The following NELL1 variants were observed in gnomAD, a reference collection of about 807,000 sequenced individuals.
NELL1 encodes the protein protein kinase C-binding protein NELL1.
In NELL1, 76 loss-of-function variants were observed where a neutral mutation model predicts 107.4. The observed-to-expected ratio is 0.71, with a 90% CI of 0.59 to 0.86. The LOEUF (loss-of-function observed/expected upper bound fraction) is 0.86, where lower values mean the gene tolerates loss of function less well. NELL1 is among the 40% of genes least tolerant of loss of function. The pLI is 0.00. For missense variants in NELL1, 1,024 were observed against 1,005.5 expected (o/e 1.02, Z -0.25); for synonymous variants, 353 against 341.2 (o/e 1.03, Z -0.38).
chr11:21,542,869 A>ATGAT (rs1378085837), intron 16 of NELL1, among the ~76,000 whole-genome samples: 1 of 152,112 alleles, frequency 6.6e-6, no homozygotes, highest in Non-Finnish European at 1.5e-5. Flanking sequence ...ATATTAACCA[A>ATGAT]TGATAGTTAT....
intron 11 of NELL1, among the ~76,000 whole-genome samples, chr11:20,948,331 G>T (rs1851005660): frequency 1.3e-5 from 2 of 152,010 alleles, no homozygotes; most frequent in South Asian, 4.1e-4. Context: ...GGGAGTACAG[G>T]CATGAGCCAC....
chr11:20,884,812 A>G lies in NELL1; in HGVS notation c.507-632A>G, dbSNP rs56377279. On this transcript the variant is annotated intron_variant, in intron 4 of 19. Transcript: ENST00000357134. Reference sequence around the variant, plus strand: ...CCTTGTGTGTCTGGTTTCTTGCTCTATTTTCTGTTGCTTAGTGTGGAGCTT... The same window carrying G: ...CCTTGTGTGTCTGGTTTCTTGCTCTGTTTTCTGTTGCTTAGTGTGGAGCTT... 9.3e-3 allele frequency among the ~76,000 whole-genome samples: 1,413 copies of G among 152,070 alleles called. 16 individuals carry two copies. Among genetic ancestry groups the G allele is most frequent in the African/African-American group, 0.033 (1,361 of 41,462 alleles).
chr11:21,120,104 T>C (rs1463758123), intron 13 of NELL1, among the ~76,000 whole-genome samples: 1 of 152,112 alleles, frequency 6.6e-6, no homozygotes, highest in East Asian at 1.9e-4. Flanking sequence ...GATATTGGCA[T>C]GGAAGAAACC....
At chr11:20,723,734 G>C (rs562402253) in intron 2 of NELL1, among the ~76,000 whole-genome samples, 10 of 148,646 alleles carry the variant, frequency 6.7e-5, no homozygotes, top group Non-Finnish European at 1.2e-4. Context: ...GGACTCTGTG[G>C]GGGGGGGCTC....
intron 7 of NELL1, among the ~76,000 whole-genome samples, chr11:20,925,602 A>G (rs1850479200): frequency 6.6e-6 from 1 of 152,076 alleles, no homozygotes; most frequent in Admixed American, 6.6e-5. Flanking sequence ...GGAGTTTTAA[A>G]TGAAACATGG....
intron 13 of NELL1, among the ~76,000 whole-genome samples, chr11:21,125,595 C>T (rs1855469654): frequency 1.3e-5 from 2 of 152,100 alleles, no homozygotes; most frequent in Non-Finnish European, 2.9e-5. Flanking sequence ...TAACTGAGTT[C>T]TAAATTGTGA....
intron 15 of NELL1, among the ~76,000 whole-genome samples, chr11:21,386,549 A>T (rs1323453677): frequency 5.3e-5 from 8 of 151,926 alleles, no homozygotes; most frequent in Admixed American, 5.3e-4. Context: ...ATTGCCCAGC[A>T]GTTTCTTTTG....
chr11:21,196,883 CTTTTTTT>C lies in NELL1; in HGVS notation c.1427-32439_1427-32433del, dbSNP rs200792090. Among the ~76,000 whole-genome samples the C allele has an allele frequency of 7.3e-5, 10 of 136,268 alleles. No individual in the cohort carries two copies. In the South Asian group the frequency reaches 2.1e-3, roughly 29 times the overall value. 89.4% of individuals were successfully genotyped at this position (136,268 alleles called of 152,430 possible). On this transcript the variant is annotated intron_variant, in intron 13 of 19. Transcript: ENST00000357134. The stretch of plus-strand genomic sequence containing the variant: ...TAATTCTTTTTCTTTCTTTTCTTTT[CTTTTTTT>C]TTTTTTTTTCTCACTCTGTTGCCCA...
chr11:21,448,011 G>A (rs1363884289), intron 15 of NELL1, among the ~76,000 whole-genome samples: 1 of 152,092 alleles, frequency 6.6e-6, no homozygotes, highest in Non-Finnish European at 1.5e-5. Context: ...TCTCACAATC[G>A]CTTTTCTCTC....
At chr11:21,216,110 G>A (rs1052493990) in intron 13 of NELL1, among the ~76,000 whole-genome samples, 2 of 152,160 alleles carry the variant, frequency 1.3e-5, no homozygotes, top group African/African-American at 4.8e-5. Context: ...AGAGGCCAGG[G>A]TACAGCTTTT....
At chr11:21,381,430 G>T (rs896737505) in intron 15 of NELL1, among the ~76,000 whole-genome samples, 3 of 151,912 alleles carry the variant, frequency 2.0e-5, no homozygotes, top group Admixed American at 1.3e-4. Flanking sequence ...ACTAAAAAAA[G>T]AAAAGAGATG....
At chr11:20,896,087 C>T (rs1339271251) in intron 5 of NELL1, among the ~76,000 whole-genome samples, 3 of 152,152 alleles carry the variant, frequency 2.0e-5, no homozygotes, top group African/African-American at 4.8e-5. Flanking sequence ...ACTCATCACC[C>T]GAGTGGTGTA....
At chr11:21,163,715 C>T (rs1856421845) in intron 13 of NELL1, among the ~76,000 whole-genome samples, 1 of 152,096 alleles carries the variant, frequency 6.6e-6, no homozygotes. Context: ...GGGTTCTCTT[C>T]TTGGCCTGCC....
intron 15 of NELL1, among the ~76,000 whole-genome samples, chr11:21,516,723 TCACACACACACACACATACACACA>T (rs1405152686): frequency 6.9e-6 from 1 of 145,874 alleles, no homozygotes; most frequent in African/African-American, 2.6e-5. Context: ...GGTCTGTCAA[TCACACACACACACACATACACACA>T]CACACACACA....
In NELL1 at chr11:20,720,844, C is replaced by G. The variant is rs930179817; in HGVS notation, c.184+42784C>G. Among the ~76,000 whole-genome samples, 10 of 152,286 alleles carry G rather than the reference C, an allele frequency of 6.6e-5. No homozygotes were observed. In the East Asian group the frequency reaches 1.9e-3, roughly 29 times the overall value. On this transcript the variant is annotated intron_variant, in intron 2 of 19. Coordinates refer to ENST00000357134, the MANE Select transcript of NELL1 (RefSeq NM_006157.5). Reference sequence around the variant, plus strand: ...CAACCTCATTTTAGCTTCATTACCTCTGTAAGGCCCTATCTCTAAACAAAG... The same window carrying G: ...CAACCTCATTTTAGCTTCATTACCTGTGTAAGGCCCTATCTCTAAACAAAG...
intron 3 of NELL1, among the ~76,000 whole-genome samples, chr11:20,811,835 G>C (rs2134013880): frequency 6.6e-6 from 1 of 152,132 alleles, no homozygotes; most frequent in African/African-American, 2.4e-5. Flanking sequence ...TTGTGGTGAT[G>C]TCTCTGAGGT....
chr11:20,958,011 A>G (rs975138830), intron 11 of NELL1, among the ~76,000 whole-genome samples: 2 of 152,264 alleles, frequency 1.3e-5, no homozygotes, highest in Non-Finnish European at 2.9e-5. Context: ...AGAATTTTCC[A>G]AAATGATGAA....
intron 3 of NELL1, among the ~76,000 whole-genome samples, chr11:20,798,783 C>G (rs780534283): frequency 6.6e-6 from 1 of 152,162 alleles, no homozygotes; most frequent in Non-Finnish European, 1.5e-5. Flanking sequence ...ATCCATGAGA[C>G]CAGACAGGTC....
At chr11:20,878,444 C>T (rs1171026418) in intron 4 of NELL1, among the ~76,000 whole-genome samples, 3 of 148,032 alleles carry the variant, frequency 2.0e-5, no homozygotes, top group Non-Finnish European at 4.5e-5. Context: ...TGAAATACAT[C>T]TCTCTGATTT....
Sources: gnomAD v4.1 joint callset for allele counts (sites outside exome capture counted in the v4.1 genomes callset) on GRCh38, gnomAD v4.1.1 for gene constraint, MANE v1.5 for transcripts, NCBI Gene and HGNC (gene_info 2026-07-23, HGNC 2026-07-21) for gene names.